The following ZMIZ1 variants were observed in gnomAD, a reference collection of about 807,000 sequenced individuals.
The protein encoded by ZMIZ1 is zinc finger MIZ-type containing 1.
ZMIZ1 carries 17 observed loss-of-function variants against 113.9 expected under a neutral mutation model. The ratio of observed to expected loss-of-function variants is 0.15; its 90% CI spans 0.10 to 0.22. The LOEUF (loss-of-function observed/expected upper bound fraction) is 0.22. ZMIZ1 is among the 10% of genes least tolerant of loss of function. The pLI is 1.00. For synonymous variants in ZMIZ1, 607 were observed against 603.1 expected (o/e 1.01, Z -0.09); for missense variants, 1,059 against 1,477.8 (o/e 0.72, Z 4.65).
intron 7 of ZMIZ1, among the ~76,000 whole-genome samples, chr10:79,246,414 G>A (rs1006806689): frequency 1.4e-4 from 22 of 152,296 alleles, no homozygotes; most frequent in African/African-American, 4.6e-4. Flanking sequence ...AGGAGCGGGC[G>A]CGAGGCTCTC....
chr10:79,303,496 G>A (rs1854475642), intron 18 of ZMIZ1, among the ~76,000 whole-genome samples: 2 of 147,984 alleles, frequency 1.4e-5, no homozygotes, highest in South Asian at 4.4e-4. Context: ...GGAGGGACTT[G>A]GCTTGGAGTC....
At chr10:79,260,757 A>T (rs10824735) in intron 7 of ZMIZ1, among the ~76,000 whole-genome samples, 33,573 of 152,176 alleles carry the variant, frequency 0.22, 3,835 homozygotes, top group East Asian at 0.27. Context: ...CATTAGCTTT[A>T]TAAGGAGAAT....
At chr10:79,209,626 A>G (rs563110199) in intron 6 of ZMIZ1, among the ~76,000 whole-genome samples, 227 of 152,382 alleles carry the variant, frequency 1.5e-3, no homozygotes, top group African/African-American at 4.9e-3. Flanking sequence ...CAAAAGGCCC[A>G]CATGGCCTTG....
intron 7 of ZMIZ1, among the ~76,000 whole-genome samples, chr10:79,221,860 G>A (rs925299174): frequency 1.3e-5 from 2 of 152,262 alleles, no homozygotes; most frequent in Admixed American, 6.5e-5. Context: ...GTCCAGAAGA[G>A]AGCCCGAATG....
intron 12 of ZMIZ1, chr10:79,294,208 T>C (rs1180462379): frequency 6.1e-6 from 1 of 163,870 alleles, no homozygotes; most frequent in Non-Finnish European, 1.4e-5. Flanking sequence ...GACTGACCCG[T>C]TGGGGAAGTG....
intron 1 of ZMIZ1, among the ~76,000 whole-genome samples, chr10:79,117,124 A>G (rs376571163): frequency 6.6e-6 from 1 of 152,262 alleles, no homozygotes; most frequent in Non-Finnish European, 1.5e-5. Context: ...ACCTCCCTCC[A>G]TGGCCTGCAG....
intron 1 of ZMIZ1, among the ~76,000 whole-genome samples, chr10:79,101,432 G>A (rs1269787199): frequency 6.6e-6 from 1 of 152,172 alleles, no homozygotes; most frequent in Non-Finnish European, 1.5e-5. Flanking sequence ...CAGGCCAGCA[G>A]GGATGGACTT....
chr10:79,162,789 C>G (rs1040399438), intron 4 of ZMIZ1, among the ~76,000 whole-genome samples: 8 of 152,168 alleles, frequency 5.3e-5, no homozygotes, highest in African/African-American at 1.9e-4. Context: ...CCCCACACAC[C>G]TCAGTTTCCA....
chr10:79,210,245 C>T (rs1312069619), intron 6 of ZMIZ1, among the ~76,000 whole-genome samples: 2 of 152,210 alleles, frequency 1.3e-5, no homozygotes, highest in Non-Finnish European at 2.9e-5. Context: ...CTGACCCTGT[C>T]TATCTAGGAT....
At chr10:79,131,586 T>C (rs1010464982) in intron 2 of ZMIZ1, among the ~76,000 whole-genome samples, 9 of 152,194 alleles carry the variant, frequency 5.9e-5, no homozygotes, top group African/African-American at 1.2e-4. Flanking sequence ...TGAAAACCAG[T>C]TGATGAATAG....
At chr10:79,152,166 A>T (rs1438502568) in intron 3 of ZMIZ1, among the ~76,000 whole-genome samples, 1 of 152,144 alleles carries the variant, frequency 6.6e-6, no homozygotes, top group East Asian at 1.9e-4. Context: ...TGGCCAAGGG[A>T]TTTCAGCCAT....
chr10:79,183,358 G>GCACACA (rs57212618), intron 4 of ZMIZ1, among the ~76,000 whole-genome samples: 1,701 of 150,806 alleles, frequency 0.011, 8 homozygotes, highest in Middle Eastern at 0.017. Flanking sequence ...TCGTGCACGC[G>GCACACA]CACACACACA....
chr10:79,285,594 A>T (rs1297175528), intron 8 of ZMIZ1: 21 of 456,036 alleles, frequency 4.6e-5, no homozygotes, highest in South Asian at 3.3e-4. Flanking sequence ...AACGAAATGG[A>T]CATATTCATT....
rs1177100147 is a variant in ZMIZ1 at position 79,307,478 on chromosome 10, C to T, written c.2742C>T (p.Phe914=). Residue 914 remains phenylalanine (F), a synonymous_variant, in exon 23 of 25, where the codon TTC becomes TTT. Transcript: ENST00000334512. The part of the protein sequence containing the change: ...GNPGGTSMND[F]MHGPPQLSHP... ...CTGGAGGGACATCCATGAATGACTT[C>T]ATGCACGGGCCCCCCCAGCTCTCCC... The T allele has an allele frequency of 1.2e-6, 2 of 1,611,994 alleles. No homozygotes were observed. The highest frequency in any genetic ancestry group is 2.7e-5 in the African/African-American group (2 of 74,710).
intron 7 of ZMIZ1, among the ~76,000 whole-genome samples, chr10:79,258,667 G>T (rs535081362): frequency 2.0e-5 from 3 of 152,236 alleles, no homozygotes; most frequent in Non-Finnish European, 4.4e-5. Context: ...GTGCCCATCA[G>T]TGCAACATAG....
chr10:79,238,285 G>GA (rs1849677625), intron 7 of ZMIZ1, among the ~76,000 whole-genome samples: 1 of 152,214 alleles, frequency 6.6e-6, no homozygotes, highest in African/African-American at 2.4e-5. Flanking sequence ...TTTTCAAAAT[G>GA]AAACGATTAT....
chr10:79,125,527 A>G (rs920931451), intron 2 of ZMIZ1, among the ~76,000 whole-genome samples: 3 of 152,062 alleles, frequency 2.0e-5, no homozygotes, highest in Non-Finnish European at 4.4e-5. Context: ...TCTCCCTCCC[A>G]CTGATGTTTG....
Position 79,118,584 on chromosome 10 carries a change from C to T in ZMIZ1, c.-336-331C>T, listed in dbSNP as rs1309600023. The stretch of plus-strand genomic sequence containing the variant: ...GAAGAGCTCTGAGCGGGGCACCCAG[C>T]GTGTGCCAAGGCCGGAGCCAGGGGC... On this transcript the variant is annotated intron_variant, in intron 1 of 24. Coordinates refer to ENST00000334512, the MANE Select transcript of ZMIZ1 (RefSeq NM_020338.4). The surrounding 1 kb of genome is among the most constrained non-coding windows in gnomAD (Gnocchi z 4.1). 1.3e-5 allele frequency among the ~76,000 whole-genome samples: 2 copies of T among 152,186 alleles called. No homozygotes were observed. Among genetic ancestry groups the T allele is most frequent in the Non-Finnish European group, 2.9e-5 (2 of 68,024 alleles).
intron 4 of ZMIZ1, among the ~76,000 whole-genome samples, chr10:79,183,210 TC>T (rs1847195846): frequency 6.6e-6 from 1 of 152,200 alleles, no homozygotes; most frequent in African/African-American, 2.4e-5. Flanking sequence ...GCCTGCCTGT[TC>T]TTGGGAATTC....
Sources: gnomAD v4.1 joint callset for allele counts (sites outside exome capture counted in the v4.1 genomes callset) on GRCh38, gnomAD v4.1.1 for gene constraint, Gnocchi (gnomAD v3.1) non-coding constraint, MANE v1.5 for transcripts, NCBI Gene and HGNC (gene_info 2026-07-23, HGNC 2026-07-21) for gene names.